CDH13: variants seen among roughly 807,000 people sequenced by gnomAD.
The protein encoded by CDH13 is cadherin-13.
In CDH13, 24 loss-of-function variants were observed where a neutral mutation model predicts 63.8. The ratio of observed to expected loss-of-function variants is 0.38; its 90% CI spans 0.27 to 0.53. The LOEUF (loss-of-function observed/expected upper bound fraction) is 0.53. Among genes scored for constraint, CDH13 ranks in the 20% least tolerant of loss-of-function variants. CDH13 has a pLI of 0.85. For missense variants in CDH13, 1,049 were observed against 903.1 expected, an observed-to-expected ratio of 1.16 and a Z score of -2.07; for synonymous variants, 503 against 355.3, an observed-to-expected ratio of 1.42 and a Z score of -4.67.
chr16:83,780,780 G>T (rs1261305069), intron 12 of CDH13, among the ~76,000 whole-genome samples: 1 of 152,164 alleles, frequency 6.6e-6, no homozygotes, highest in Non-Finnish European at 1.5e-5. Flanking sequence ...AACCTGCCCA[G>T]TCTCAGACCT....
chr16:82,720,094 C>T (rs1177442270), intron 1 of CDH13, among the ~76,000 whole-genome samples: 4 of 152,014 alleles, frequency 2.6e-5, no homozygotes, highest in African/African-American at 7.2e-5. Flanking sequence ...ATGAGCTATA[C>T]ATACATTTAA....
intron 7 of CDH13, among the ~76,000 whole-genome samples, chr16:83,537,891 C>T (rs1194969067): frequency 1.3e-5 from 2 of 152,168 alleles, no homozygotes; most frequent in Non-Finnish European, 2.9e-5. Context: ...CTATATTCAA[C>T]ATAGTGCCTA....
At chr16:83,089,683 T>C (rs1384856279) in intron 3 of CDH13, among the ~76,000 whole-genome samples, 1 of 151,878 alleles carries the variant, frequency 6.6e-6, no homozygotes, top group Non-Finnish European at 1.5e-5. Flanking sequence ...TGTAATGAAT[T>C]CGAGTCTGAA....
chr16:83,664,773 A>G (rs868347231), intron 8 of CDH13, among the ~76,000 whole-genome samples: 7 of 152,208 alleles, frequency 4.6e-5, no homozygotes, highest in Admixed American at 3.9e-4. Flanking sequence ...GTCAAAACAT[A>G]AAAGCATCCA....
chr16:82,792,696 C>T (rs1048022227), intron 1 of CDH13, among the ~76,000 whole-genome samples: 2 of 152,188 alleles, frequency 1.3e-5, no homozygotes, highest in African/African-American at 4.8e-5. Flanking sequence ...GCTCTGTACT[C>T]AGAAGGCCTT....
intron 2 of CDH13, among the ~76,000 whole-genome samples, chr16:82,986,063 C>T (rs1001523117): frequency 1.2e-4 from 18 of 152,182 alleles, no homozygotes; most frequent in Admixed American, 7.9e-4. Flanking sequence ...CCCTGTCTCA[C>T]GTACTTCTAT....
intron 1 of CDH13, among the ~76,000 whole-genome samples, chr16:82,658,363 C>A (rs1190041107): frequency 6.6e-6 from 1 of 152,208 alleles, no homozygotes; most frequent in African/African-American, 2.4e-5. Flanking sequence ...AAAGATTTAG[C>A]TGTCCCATTT....
chr16:82,908,765 C>G (rs2041728840), intron 2 of CDH13, among the ~76,000 whole-genome samples: 1 of 152,132 alleles, frequency 6.6e-6, no homozygotes, highest in African/African-American at 2.4e-5. Flanking sequence ...ACTCAAGTCT[C>G]TTTTATAATA....
At chr16:83,633,198 T>A (rs752514475) in intron 8 of CDH13, among the ~76,000 whole-genome samples, 8 of 151,836 alleles carry the variant, frequency 5.3e-5, no homozygotes, top group Non-Finnish European at 7.3e-5. Context: ...CTCAACCTCC[T>A]GACAATGCAA....
At chr16:83,076,011 G>A (rs996016553) in intron 3 of CDH13, among the ~76,000 whole-genome samples, 2 of 152,194 alleles carry the variant, frequency 1.3e-5, no homozygotes, top group Admixed American at 6.5e-5. Flanking sequence ...TGTGTTAAGG[G>A]AAGTATGCAA....
chr16:82,869,815 A>G lies in CDH13; in HGVS notation c.157+11342A>G, dbSNP rs115326089. ...ATAATAGAGCCCTATCTCTTGCCAT[A>G]TACAAAAAGCAAATCAAAATGAATT... On this transcript the variant is annotated intron_variant, in intron 2 of 13. Transcript: ENST00000567109. Among the ~76,000 whole-genome samples the G allele has an allele frequency of 9.7e-3, 1,470 of 152,300 alleles. 27 individuals carry two copies. The highest frequency in any genetic ancestry group is 0.033 in the African/African-American group (1,385 of 41,560).
intron 3 of CDH13, among the ~76,000 whole-genome samples, chr16:83,078,231 A>G (rs957346416): frequency 4.6e-5 from 7 of 152,110 alleles, no homozygotes; most frequent in African/African-American, 1.7e-4. Context: ...CTTAATTTCC[A>G]ACAGCTACTG....
chr16:82,648,596 A>G, intron 1 of CDH13, among the ~76,000 whole-genome samples: 1 of 152,326 alleles, frequency 6.6e-6, no homozygotes, highest in East Asian at 1.9e-4. Context: ...GCCTCTAAAT[A>G]AAGAAAAAGA....
At chr16:82,850,676 C>T (rs1433441719) in intron 1 of CDH13, among the ~76,000 whole-genome samples, 1 of 152,070 alleles carries the variant, frequency 6.6e-6, no homozygotes, top group Non-Finnish European at 1.5e-5. Flanking sequence ...AAGGAAGAGT[C>T]GATAGATTGG....
At chr16:83,399,418 A>G (rs1047723396) in intron 6 of CDH13, among the ~76,000 whole-genome samples, 1 of 152,206 alleles carries the variant, frequency 6.6e-6, no homozygotes, top group Non-Finnish European at 1.5e-5. Context: ...ATTTTCGTCC[A>G]AAGTGTATTT....
chr16:83,389,589 G>A (rs1287467417), intron 6 of CDH13, among the ~76,000 whole-genome samples: 2 of 152,102 alleles, frequency 1.3e-5, no homozygotes, highest in African/African-American at 2.4e-5. Flanking sequence ...TGATGGACTG[G>A]ACCATTTATT....
intron 3 of CDH13, among the ~76,000 whole-genome samples, chr16:83,043,364 C>T (rs1260335579): frequency 1.3e-5 from 2 of 152,000 alleles, no homozygotes; most frequent in African/African-American, 4.8e-5. Flanking sequence ...TTATTTTATA[C>T]AGGAGCATGG....
intron 1 of CDH13, among the ~76,000 whole-genome samples, chr16:82,794,122 A>G (rs1191589838): frequency 6.6e-6 from 1 of 151,880 alleles, no homozygotes; most frequent in Non-Finnish European, 1.5e-5. Flanking sequence ...GGCCCAACAC[A>G]AGTTCGTAAA....
chr16:83,687,149 G>A (rs1904383641), intron 10 of CDH13, among the ~76,000 whole-genome samples: 1 of 152,110 alleles, frequency 6.6e-6, no homozygotes, highest in South Asian at 2.1e-4. Flanking sequence ...GGAGGTGGAG[G>A]TTGCAGTGAG....
Sources: gnomAD v4.1 joint callset for allele counts (sites outside exome capture counted in the v4.1 genomes callset) on GRCh38, gnomAD v4.1.1 for gene constraint, MANE v1.5 for transcripts, NCBI Gene and HGNC (gene_info 2026-07-23, HGNC 2026-07-21) for gene names.